The following NAA11 variants were observed in gnomAD, a reference collection of about 807,000 sequenced individuals.
The protein encoded by NAA11 is N-alpha-acetyltransferase 11.
In NAA11, 15 loss-of-function variants were observed where a neutral mutation model predicts 16.1. The ratio of observed to expected loss-of-function variants is 0.93; its 90% CI spans 0.62 to 1.44. The LOEUF (loss-of-function observed/expected upper bound fraction) is 1.44. Among genes scored for constraint, NAA11 ranks in the 40% most tolerant of loss-of-function variants. The pLI is 0.00. For synonymous variants in NAA11, 122 were observed against 112.4 expected (o/e 1.09, Z -0.54); for missense variants, 298 against 291.3 (o/e 1.02, Z -0.17).
chr4:79,219,954 C>T, the NAA11 span, among the ~76,000 whole-genome samples: 1 of 152,168 alleles, frequency 6.6e-6, no homozygotes, highest in East Asian at 1.9e-4. Context: ...GTTTTTGAGC[C>T]TTGCTTTGCT....
At chr4:79,224,050 A>G (rs987571009), downstream of NAA11, among the ~76,000 whole-genome samples, 1 of 152,124 alleles carries the variant, frequency 6.6e-6, no homozygotes, top group Non-Finnish European at 1.5e-5. Flanking sequence ...TAGGGTACCA[A>G]TTCTTCTGCA....
At chr4:79,281,181 G>A (rs759368327) in intron 2 of NAA11, among the ~76,000 whole-genome samples, 6 of 151,550 alleles carry the variant, frequency 4.0e-5, no homozygotes, top group Admixed American at 3.3e-4. Flanking sequence ...CAATTTACCA[G>A]TCAAACAGCA....
At chr4:79,246,207 A>T (rs1027964617) in intron 2 of NAA11, among the ~76,000 whole-genome samples, 1 of 152,124 alleles carries the variant, frequency 6.6e-6, no homozygotes, top group African/African-American at 2.4e-5. Flanking sequence ...CCACTCCCTA[A>T]TCTCAAGTAC....
chr4:79,296,464 C>T (rs1036684747), intron 1 of NAA11, among the ~76,000 whole-genome samples: 5 of 152,182 alleles, frequency 3.3e-5, no homozygotes, highest in African/African-American at 4.8e-5. Flanking sequence ...TAAAACAGAG[C>T]GCTTATTAAG....
At chr4:79,302,812 A>T (rs1473191875) in intron 1 of NAA11, among the ~76,000 whole-genome samples, 3 of 152,000 alleles carry the variant, frequency 2.0e-5, no homozygotes, top group Non-Finnish European at 4.4e-5. Flanking sequence ...CAACCAATCC[A>T]GAGAAGAACA....
At chr4:79,295,357 C>G (rs1723185236) in intron 1 of NAA11, among the ~76,000 whole-genome samples, 1 of 152,124 alleles carries the variant, frequency 6.6e-6, no homozygotes. Context: ...CCATCTTGCT[C>G]AGGAAATCTG....
At chr4:79,308,578 T>C (rs1454213361) in intron 1 of NAA11, 1 of 152,206 alleles carries the variant, frequency 6.6e-6, no homozygotes, top group African/African-American at 2.4e-5. Flanking sequence ...CTTTCGTCCT[T>C]ACAGCTAAGC....
chr4:79,239,464 G>C (rs1371663406), intron 2 of NAA11, among the ~76,000 whole-genome samples: 1 of 152,094 alleles, frequency 6.6e-6, no homozygotes, highest in Non-Finnish European at 1.5e-5. Flanking sequence ...ACTTTGGGAG[G>C]CTGAAGCATG....
the NAA11 span, among the ~76,000 whole-genome samples, chr4:79,171,186 A>G: frequency 6.6e-6 from 1 of 152,182 alleles, no homozygotes; most frequent in South Asian, 2.1e-4. Flanking sequence ...TGGACTTTTA[A>G]TAGGTGATTA....
chr4:79,218,882 T>G, the NAA11 span, among the ~76,000 whole-genome samples: 1 of 152,146 alleles, frequency 6.6e-6, no homozygotes, highest in African/African-American at 2.4e-5. Context: ...GGTCTTCTTT[T>G]AATTCTGTAC....
intron 2 of NAA11, among the ~76,000 whole-genome samples, chr4:79,229,870 T>G (rs993966467): frequency 2.0e-5 from 3 of 152,000 alleles, no homozygotes; most frequent in African/African-American, 7.2e-5. Context: ...CCACTTGCTC[T>G]TAACCATTAT....
chr4:79,314,156 G>A (rs775248019), downstream of NAA11, among the ~76,000 whole-genome samples: 8 of 152,110 alleles, frequency 5.3e-5, no homozygotes, highest in East Asian at 3.8e-4. Flanking sequence ...ATGTTCACAC[G>A]TACTTTTAAA....
the NAA11 span, among the ~76,000 whole-genome samples, chr4:79,220,323 C>A: frequency 6.6e-6 from 1 of 152,062 alleles, no homozygotes; most frequent in Non-Finnish European, 1.5e-5. Flanking sequence ...GAGGTCCTGA[C>A]CCCAAGTGAT....
the NAA11 span, among the ~76,000 whole-genome samples, chr4:79,206,690 C>T: frequency 3.8e-4 from 58 of 152,080 alleles, no homozygotes; most frequent in African/African-American, 1.3e-3. Context: ...AGTTGCTAGC[C>T]AGTCAAGACA....
intron 2 of NAA11, among the ~76,000 whole-genome samples, chr4:79,271,590 T>G (rs1722493920): frequency 6.6e-6 from 1 of 152,058 alleles, no homozygotes; most frequent in South Asian, 2.1e-4. Flanking sequence ...CTTTTCAACT[T>G]AAAGAGTGAG....
chr4:79,187,792 C>T, the NAA11 span, among the ~76,000 whole-genome samples: 4 of 151,828 alleles, frequency 2.6e-5, no homozygotes, highest in South Asian at 2.1e-4. Context: ...GTCAGGAGAT[C>T]GAGACCATCC....
At chr4:79,225,359 G>A (rs1721286894), downstream of NAA11, among the ~76,000 whole-genome samples, 1 of 152,030 alleles carries the variant, frequency 6.6e-6, no homozygotes, top group Non-Finnish European at 1.5e-5. Context: ...TAAGAGCTGT[G>A]ATTTTTTTAA....
chr4:79,249,099 G>A (rs528650357), intron 2 of NAA11, among the ~76,000 whole-genome samples: 31 of 152,256 alleles, frequency 2.0e-4, no homozygotes, highest in African/African-American at 6.0e-4. Context: ...AGTCCTGAGC[G>A]GAGCCCTGGG....
chr4:79,198,312 C>T, the NAA11 span, among the ~76,000 whole-genome samples: 5 of 151,904 alleles, frequency 3.3e-5, no homozygotes, highest in Non-Finnish European at 7.4e-5. Flanking sequence ...AGCAAAATCA[C>T]GCATCTTTTT....
Sources: gnomAD v4.1 joint callset for allele counts (sites outside exome capture counted in the v4.1 genomes callset) on GRCh38, gnomAD v4.1.1 for gene constraint, MANE v1.5 for transcripts, NCBI Gene and HGNC (gene_info 2026-07-23, HGNC 2026-07-21) for gene names.